SORCS3: variants seen among roughly 807,000 people sequenced by gnomAD.
SORCS3 encodes VPS10 domain-containing receptor SorCS3.
A neutral mutation model predicts 146.3 loss-of-function variants in SORCS3; 57 were observed. The ratio of observed to expected loss-of-function variants is 0.39; its 90% CI spans 0.31 to 0.49. SORCS3 has a LOEUF of 0.49. Among genes scored for constraint, SORCS3 ranks in the 20% least tolerant of loss-of-function variants. The probability of loss-of-function intolerance (pLI) is 0.92; values close to 1 mark genes in which losing one functional copy is unlikely to be tolerated. For missense variants in SORCS3, 1,341 were observed against 1,575.5 expected (o/e 0.85, Z 2.52); for synonymous variants, 653 against 618.5 (o/e 1.06, Z -0.83).
At chr10:104,852,063 C>T (rs188072323) in intron 2 of SORCS3, among the ~76,000 whole-genome samples, 3 of 152,278 alleles carry the variant, frequency 2.0e-5, no homozygotes, top group Admixed American at 1.3e-4. Flanking sequence ...AGCTGTCTTC[C>T]AATACATAAG....
At chr10:104,854,580 AT>A (rs1009591007) in intron 2 of SORCS3, among the ~76,000 whole-genome samples, 4 of 151,954 alleles carry the variant, frequency 2.6e-5, no homozygotes, top group African/African-American at 9.7e-5. Flanking sequence ...AGTTGTACCC[AT>A]TTTTTTGTGT....
chr10:105,007,122 A>G (rs970538286), intron 4 of SORCS3, among the ~76,000 whole-genome samples: 1 of 152,228 alleles, frequency 6.6e-6, no homozygotes, highest in African/African-American at 2.4e-5. Context: ...AAAGGAAGTT[A>G]TTCTAATCTA....
chr10:105,201,386 C>T, intron 16 of SORCS3, 133 bp downstream of exon 16: 1 of 1,099,678 alleles, frequency 9.1e-7, no homozygotes, highest in South Asian at 1.7e-5. Flanking sequence ...GCCTGTGGGC[C>T]CATCCATCCC....
intron 1 of SORCS3, among the ~76,000 whole-genome samples, chr10:104,662,718 CA>C (rs1292808001): frequency 6.6e-6 from 1 of 152,142 alleles, no homozygotes; most frequent in African/African-American, 2.4e-5. Flanking sequence ...CTGGTGTTTC[CA>C]GGCAAAGAGC....
chr10:104,789,657 C>A (rs997603821), intron 1 of SORCS3, among the ~76,000 whole-genome samples: 6 of 152,068 alleles, frequency 3.9e-5, no homozygotes, highest in African/African-American at 1.4e-4. Context: ...TGGATGAATT[C>A]AAAAATAAAT....
At chr10:105,205,478 G>C (rs2056597381) in intron 16 of SORCS3, among the ~76,000 whole-genome samples, 1 of 152,090 alleles carries the variant, frequency 6.6e-6, no homozygotes, top group African/African-American at 2.4e-5. Flanking sequence ...CCACTTTGCA[G>C]CAACCTCCAT....
At chr10:105,001,946 C>T (rs1051674446) in intron 4 of SORCS3, among the ~76,000 whole-genome samples, 9 of 152,294 alleles carry the variant, frequency 5.9e-5, no homozygotes, top group Non-Finnish European at 1.3e-4. Context: ...ACAGACATGT[C>T]TGACTTCATA....
rs150364216 is a variant in SORCS3, at chr10:104,824,621, G to T, written c.628-18171G>T. 3.9e-5 allele frequency among the ~76,000 whole-genome samples: 6 copies of T among 152,284 alleles called. No individual in the cohort carries two copies. In the East Asian group the frequency reaches 1.2e-3, roughly 29 times the overall value. On this transcript the variant is annotated intron_variant, in intron 1 of 26. Coordinates refer to ENST00000369701, the MANE Select transcript of SORCS3 (RefSeq NM_014978.3). ...GTCCCGGGTGCTGGAGGTGCTGAGC[G>T]CTGTCCCAGGTGCTGGAGATATAAC...
chr10:104,971,577 G>A (rs931434574), intron 3 of SORCS3, among the ~76,000 whole-genome samples: 2 of 152,162 alleles, frequency 1.3e-5, no homozygotes, highest in Non-Finnish European at 2.9e-5. Flanking sequence ...TGCTTGTGGG[G>A]CATCTAAATA....
chr10:104,991,502 C>CTTT (rs1554865716), intron 4 of SORCS3, among the ~76,000 whole-genome samples: 2 of 140,422 alleles, frequency 1.4e-5, no homozygotes, highest in African/African-American at 2.9e-5. Flanking sequence ...TCCTCTTCTT[C>CTTT]CTTTTTTTTT....
In SORCS3 at chr10:105,252,802, C is replaced by G. The variant is rs770969693; in HGVS notation, c.3133C>G (p.Leu1045Val). 1.9e-6 allele frequency: 3 copies of G among 1,614,056 alleles called. No individual in the cohort carries two copies. The highest frequency in any genetic ancestry group is 2.5e-6 in the Non-Finnish European group (3 of 1,179,974). Residue 1045 changes from leucine to valine, a missense_variant, in exon 23 of 27, where the codon CTC (leucine) becomes GTC (valine). Physicochemically the swap from Leu to Val is conservative, Grantham distance 32. Transcript: ENST00000369701. ...AACCAGTGTCCCAGAGGACCAGATC[C>G]TCATTGCCGTGTTTCCTGGTCTCCC... ...KVTSVPEDQILIAVFPGLPTS... is the reference protein window; with the variant it reads ...KVTSVPEDQIVIAVFPGLPTS...
chr10:105,187,210 C>T (rs2056482802), intron 14 of SORCS3, among the ~76,000 whole-genome samples: 1 of 152,088 alleles, frequency 6.6e-6, no homozygotes, highest in South Asian at 2.1e-4. Flanking sequence ...GTTTTCCTTC[C>T]ACCCACCTCT....
chr10:105,200,073 A>T lies in SORCS3; in HGVS notation c.2084A>T (p.His695Leu), dbSNP rs779561792. 1.2e-6 allele frequency: 2 copies of T among 1,613,724 alleles called. No homozygotes were observed. Among genetic ancestry groups the T allele is most frequent in the South Asian group, 2.2e-5 (2 of 91,072 alleles). ...GACTACAAATCTATCTTCAGCCGGC[A>T]TTGCACCAAGGAGGACTATCAGACC... ...KVDYKSIFSR[H>L]CTKEDYQTWH... Residue 695 changes from histidine to leucine, a missense_variant, in exon 15 of 27, where the codon CAT (histidine) becomes CTT (leucine). By Grantham distance (99) the His-to-Leu change is moderately conservative (BLOSUM62 -3). Transcript: ENST00000369701.
intron 1 of SORCS3, among the ~76,000 whole-genome samples, chr10:104,833,802 T>C (rs1438601629): frequency 6.6e-6 from 1 of 152,166 alleles, no homozygotes; most frequent in African/African-American, 2.4e-5. Flanking sequence ...CTAAACTCTC[T>C]TCTCTGAACC....
intron 14 of SORCS3, among the ~76,000 whole-genome samples, chr10:105,195,224 G>A (rs1403610348): frequency 6.6e-6 from 1 of 152,086 alleles, no homozygotes; most frequent in Non-Finnish European, 1.5e-5. Context: ...CTATTTTGCT[G>A]GTAACAGGCT....
chr10:104,907,649 G>A (rs941327976), intron 2 of SORCS3, among the ~76,000 whole-genome samples: 6 of 152,172 alleles, frequency 3.9e-5, no homozygotes, highest in Non-Finnish European at 8.8e-5. Context: ...TTCAAATAGT[G>A]GGGGCAGGAG....
chr10:104,785,048 C>T lies in SORCS3; in HGVS notation c.628-57744C>T, dbSNP rs1028768008. Among the ~76,000 whole-genome samples, 66 of 151,990 alleles carry T rather than the reference C, an allele frequency of 4.3e-4. 1 individual carries two copies. The East Asian group carries it at 0.012, about 28-fold the overall frequency. Reference sequence around the variant, plus strand: ...CCGGGCAGAGGCGCCCCTCACCTCCCGGATGGGGCGGCTGGCCGGGCAGGG... The same window carrying T: ...CCGGGCAGAGGCGCCCCTCACCTCCTGGATGGGGCGGCTGGCCGGGCAGGG... On this transcript the variant is annotated intron_variant, in intron 1 of 26. Transcript: ENST00000369701.
At chr10:104,774,424 C>A (rs12247784) in intron 1 of SORCS3, among the ~76,000 whole-genome samples, 13,234 of 152,198 alleles carry the variant, frequency 0.087, 868 homozygotes, top group African/African-American at 0.18. Flanking sequence ...CTGCCATTTC[C>A]CCGGGGGAAA....
intron 3 of SORCS3, among the ~76,000 whole-genome samples, chr10:104,949,844 A>G (rs1480241031): frequency 6.6e-6 from 1 of 152,260 alleles, no homozygotes; most frequent in Admixed American, 6.5e-5. Flanking sequence ...TCAGTTGCAG[A>G]TTATTAGCCA....
Sources: allele counts gnomAD v4.1 joint callset (sites outside exome capture counted in the v4.1 genomes callset), GRCh38; gene constraint gnomAD v4.1.1; transcripts MANE v1.5; gene names NCBI Gene and HGNC (gene_info 2026-07-23, HGNC 2026-07-21).